Variants in COL4A2 observed in about 807,000 individuals in gnomAD.
COL4A2 encodes collagen type IV alpha 2 chain, also known as collagen alpha-2(IV) chain.
COL4A2 carries 99 observed loss-of-function variants against 200.2 expected under a neutral mutation model. The observed-to-expected ratio is 0.49, with a 90% CI of 0.42 to 0.58. COL4A2 has a LOEUF of 0.58. Ranked by LOEUF, COL4A2 falls within the 20% of genes least tolerant of loss-of-function variation. The pLI is 0.00. For missense variants in COL4A2, 1,950 were observed against 2,314.1 expected (o/e 0.84, Z 3.23); for synonymous variants, 897 against 900.6 (o/e 1.00, Z 0.07).
At chr13:110,438,396 G>A (rs535046949) in intron 14 of COL4A2, among the ~76,000 whole-genome samples, 2 of 152,326 alleles carry the variant, frequency 1.3e-5, no homozygotes, top group East Asian at 1.9e-4. Context: ...CGCTTACCAC[G>A]TGACATGACA....
chr13:110,483,572 G>C (rs1883006899), intron 32 of COL4A2, among the ~76,000 whole-genome samples: 1 of 152,246 alleles, frequency 6.6e-6, no homozygotes, highest in Non-Finnish European at 1.5e-5. Flanking sequence ...AGGAAGGATG[G>C]GGCTCTCAGA....
chr13:110,467,789 A>G (rs1282548710), intron 27 of COL4A2, among the ~76,000 whole-genome samples: 1 of 152,188 alleles, frequency 6.6e-6, no homozygotes, highest in Non-Finnish European at 1.5e-5. Context: ...AAGCAGGAGG[A>G]GGGCTGGACC....
intron 12 of COL4A2, 148 bp downstream of exon 12, chr13:110,434,590 C>A: frequency 5.0e-6 from 4 of 797,770 alleles, no homozygotes; most frequent in South Asian, 1.7e-5. Flanking sequence ...ATAATCATTG[C>A]AAAGTGCTAG....
At chr13:110,491,754 A>AC (rs1689881120) in intron 37 of COL4A2, among the ~76,000 whole-genome samples, 1 of 152,154 alleles carries the variant, frequency 6.6e-6, no homozygotes, top group Admixed American at 6.5e-5. Flanking sequence ...GCACCGGGGA[A>AC]TGCCAAGAGG....
intron 4 of COL4A2, among the ~76,000 whole-genome samples, chr13:110,408,808 T>C (rs75434462): frequency 0.024 from 417 of 17,738 alleles, 2 homozygotes; most frequent in Non-Finnish European, 0.036. Context: ...CGCACACATA[T>C]ATATACACAC....
intron 3 of COL4A2, among the ~76,000 whole-genome samples, chr13:110,311,916 C>T (rs777984829): frequency 6.6e-6 from 1 of 152,230 alleles, no homozygotes; most frequent in Non-Finnish European, 1.5e-5. Flanking sequence ...AGGAAATTCG[C>T]CTGACCTTCC....
chr13:110,432,218 C>T, intron 10 of COL4A2, 107 bp from the exon 11 acceptor site: 1 of 1,364,936 alleles, frequency 7.3e-7, no homozygotes, highest in Non-Finnish European at 9.6e-7. Context: ...GCATCCTACA[C>T]TGTGTCCTAA....
intron 3 of COL4A2, among the ~76,000 whole-genome samples, chr13:110,327,795 T>G (rs944788577): frequency 6.6e-6 from 1 of 152,244 alleles, no homozygotes. Flanking sequence ...GCAGTTGTCC[T>G]GGGTGAAGTC....
At position 110,360,080 on chromosome 13, in the gene COL4A2, A is replaced by G. The variant is rs145556872; in HGVS notation, c.180+2528A>G. On this transcript the variant is annotated intron_variant, in intron 4 of 47. Coordinates refer to ENST00000360467, the MANE Select transcript of COL4A2 (RefSeq NM_001846.4). ...TGGGTCTCATGCTATGGATTTTCCC[A>G]ACGACACTTCTGTGGCAGTGATGAG... 2.6e-4 allele frequency among the ~76,000 whole-genome samples: 39 copies of G among 152,340 alleles called. 2 individuals are homozygous for G. The East Asian group carries it at 5.2e-3, about 20-fold the overall frequency.
intron 4 of COL4A2, among the ~76,000 whole-genome samples, chr13:110,421,808 C>A (rs964645439): frequency 4.6e-5 from 7 of 152,094 alleles, no homozygotes; most frequent in Non-Finnish European, 1.0e-4. Context: ...GACTCCCTAA[C>A]CAAGAAATAA....
chr13:110,413,961 ACTCCATGG>A (rs1488827805), intron 4 of COL4A2, among the ~76,000 whole-genome samples: 1 of 151,880 alleles, frequency 6.6e-6, no homozygotes. Flanking sequence ...AATTAGACAC[ACTCCATGG>A]CTCCCAAACC....
chr13:110,320,818 TGA>T (rs770427392), intron 3 of COL4A2, among the ~76,000 whole-genome samples: 11 of 152,344 alleles, frequency 7.2e-5, no homozygotes, highest in Admixed American at 2.0e-4. Flanking sequence ...AGCTCATCAG[TGA>T]GAGAGAACAA....
At chr13:110,377,814 C>T (rs961297602) in intron 4 of COL4A2, among the ~76,000 whole-genome samples, 2 of 152,196 alleles carry the variant, frequency 1.3e-5, no homozygotes, top group African/African-American at 4.8e-5. Context: ...CAGCCTAATA[C>T]TTAATGGCTT....
chr13:110,431,194 C>T (rs1594210295), intron 10 of COL4A2, among the ~76,000 whole-genome samples: 1 of 152,168 alleles, frequency 6.6e-6, no homozygotes, highest in East Asian at 1.9e-4. Context: ...CTCGCTCATT[C>T]CCCACATATG....
intron 12 of COL4A2, among the ~76,000 whole-genome samples, chr13:110,435,185 C>T (rs1234194773): frequency 6.6e-6 from 1 of 152,026 alleles, no homozygotes; most frequent in African/African-American, 2.4e-5. Context: ...TACATTAATG[C>T]CATAGAAGAA....
At chr13:110,433,019 C>T (rs1880739027) in intron 11 of COL4A2, among the ~76,000 whole-genome samples, 1 of 152,244 alleles carries the variant, frequency 6.6e-6, no homozygotes, top group Non-Finnish European at 1.5e-5. Flanking sequence ...CAAAATGCAA[C>T]ATAATTCAGA....
At position 110,307,791 on chromosome 13, in the gene COL4A2, C is replaced by T; in HGVS notation, c.-44-69C>T. On this transcript the variant is annotated intron_variant, in intron 1 of 47. Coordinates refer to ENST00000360467, the MANE Select transcript of COL4A2 (RefSeq NM_001846.4). The surrounding 1 kb of genome is among the most constrained non-coding windows in gnomAD (Gnocchi z 5.0). ...CGCGCTGTCCCCGCGTCTCGCGGAC[C>T]GAGACCGGCGGTGAGGATGGGCTGC... 2.1e-6 allele frequency: 3 copies of T among 1,405,782 alleles called. No homozygotes were observed. Among genetic ancestry groups the T allele is most frequent in the Admixed American group, 2.3e-5 (1 of 43,666 alleles). The allele number at this position is 1,405,782 out of a possible 1,614,324, so 87.1% of individuals were successfully genotyped here.
intron 4 of COL4A2, among the ~76,000 whole-genome samples, chr13:110,412,689 T>A (rs1388881904): frequency 6.6e-6 from 1 of 152,256 alleles, no homozygotes; most frequent in African/African-American, 2.4e-5. Flanking sequence ...TACGCAGGTC[T>A]GGCTTATCAC....
In COL4A2 at chr13:110,397,602, G is replaced by A. The variant is rs530637983; in HGVS notation, c.181-27132G>A. Among the ~76,000 whole-genome samples, 11 of 152,336 alleles carry A rather than the reference G, an allele frequency of 7.2e-5. No individual in the cohort carries two copies. In the South Asian group the frequency reaches 1.0e-3, roughly 14 times the overall value. ...TCGAAACTGGAGGCCAGAAGTACTG[G>A]CTCTGAACTGAACTACCACTTGCAA... is the stretch of plus-strand genomic sequence containing the variant. On this transcript the variant is annotated intron_variant, in intron 4 of 47. Coordinates refer to ENST00000360467, the MANE Select transcript of COL4A2 (RefSeq NM_001846.4).
Sources: allele counts gnomAD v4.1 joint callset (sites outside exome capture counted in the v4.1 genomes callset), GRCh38; gene constraint gnomAD v4.1.1; non-coding constraint Gnocchi (gnomAD v3.1); transcripts MANE v1.5; gene names NCBI Gene and HGNC (gene_info 2026-07-23, HGNC 2026-07-21).